Variants in SDK1 observed in about 807,000 individuals in gnomAD.
The protein encoded by SDK1 is protein sidekick-1.
In SDK1, 157 loss-of-function variants were observed where a neutral mutation model predicts 245.5. The ratio of observed to expected loss-of-function variants is 0.64; its 90% CI spans 0.56 to 0.73. The LOEUF is 0.73. Among genes scored for constraint, SDK1 ranks in the 30% least tolerant of loss-of-function variants. The pLI, the probability that SDK1 is intolerant of heterozygous loss-of-function variation, is 0.00. For synonymous variants in SDK1, 1,647 were observed against 1,278.5 expected, an observed-to-expected ratio of 1.29 and a Z score of -6.15; for missense variants, 3,583 against 3,002.3, an observed-to-expected ratio of 1.19 and a Z score of -4.52.
At chr7:3,446,940 GA>G (rs2128590366) in intron 1 of SDK1, among the ~76,000 whole-genome samples, 1 of 152,082 alleles carries the variant, frequency 6.6e-6, no homozygotes, top group African/African-American at 2.4e-5. Context: ...CAACAGTCAA[GA>G]AAAAGGTTGA....
intron 25 of SDK1, among the ~76,000 whole-genome samples, chr7:4,123,026 A>T (rs1282359969): frequency 2.6e-5 from 4 of 152,184 alleles, no homozygotes; most frequent in Admixed American, 6.5e-5. Context: ...AATTGCTGCA[A>T]TCCCCAGGTT....
intron 1 of SDK1, among the ~76,000 whole-genome samples, chr7:3,348,796 C>G (rs898955464): frequency 6.6e-6 from 1 of 152,114 alleles, no homozygotes; most frequent in African/African-American, 2.4e-5. Context: ...TAAAAAGTGC[C>G]AAGTACTATG....
intron 4 of SDK1, among the ~76,000 whole-genome samples, chr7:3,648,549 G>T (rs1782918222): frequency 6.6e-6 from 1 of 152,176 alleles, no homozygotes; most frequent in South Asian, 2.1e-4. Flanking sequence ...AATTGTCCAT[G>T]CTTAAATACT....
chr7:3,934,986 G>C (rs1780105202), intron 5 of SDK1, among the ~76,000 whole-genome samples: 1 of 152,210 alleles, frequency 6.6e-6, no homozygotes, highest in Admixed American at 6.5e-5. Flanking sequence ...GAGGAAGCCT[G>C]GATATTTATG....
intron 30 of SDK1, among the ~76,000 whole-genome samples, chr7:4,156,128 G>T (rs1227225488): frequency 2.0e-5 from 3 of 152,156 alleles, no homozygotes; most frequent in African/African-American, 7.2e-5. Flanking sequence ...GCTGTCCAAG[G>T]TTAACTGGGA....
intron 1 of SDK1, among the ~76,000 whole-genome samples, chr7:3,565,712 T>C (rs1779892157): frequency 6.6e-6 from 1 of 152,234 alleles, no homozygotes; most frequent in African/African-American, 2.4e-5. Context: ...CTGTGCGTAT[T>C]CTCCTGTGTA....
In SDK1 at chr7:3,542,548, G is replaced by A. The variant is rs193255752; in HGVS notation, c.299-76532G>A. 2.9e-4 allele frequency among the ~76,000 whole-genome samples: 44 copies of A among 152,240 alleles called. 1 individual carries two copies. The highest frequency in any genetic ancestry group is 2.4e-3 in the Admixed American group (37 of 15,298). On this transcript the variant is annotated intron_variant, in intron 1 of 44. Coordinates refer to ENST00000404826, the MANE Select transcript of SDK1 (RefSeq NM_152744.4). ...ATCATGCCTGGCCTATGGTAGGTTA[G>A]CATTTAATAAGTGTTTATGCAATAT...
intron 1 of SDK1, among the ~76,000 whole-genome samples, chr7:3,363,968 T>C (rs755067930): frequency 6.6e-6 from 1 of 152,246 alleles, no homozygotes; most frequent in Non-Finnish European, 1.5e-5. Flanking sequence ...TATTTGGTGT[T>C]ACCATTATCT....
intron 1 of SDK1, among the ~76,000 whole-genome samples, chr7:3,496,332 G>A (rs929626208): frequency 7.9e-5 from 12 of 152,156 alleles, no homozygotes; most frequent in African/African-American, 1.4e-4. Context: ...CCTGGCAATA[G>A]CACTGTTTGG....
At chr7:3,328,290 A>G (rs984202232) in intron 1 of SDK1, among the ~76,000 whole-genome samples, 2 of 152,134 alleles carry the variant, frequency 1.3e-5, no homozygotes, top group East Asian at 1.9e-4. Context: ...AAATGAAGTA[A>G]TATATCATAA....
intron 1 of SDK1, among the ~76,000 whole-genome samples, chr7:3,316,196 A>G (rs1227383041): frequency 6.6e-6 from 1 of 152,230 alleles, no homozygotes; most frequent in Admixed American, 6.5e-5. Flanking sequence ...CAGTACAGCC[A>G]TGTACCCTAT....
At chr7:3,302,908 T>C (rs1035951612) in intron 1 of SDK1, among the ~76,000 whole-genome samples, 1 of 152,196 alleles carries the variant, frequency 6.6e-6, no homozygotes, top group Non-Finnish European at 1.5e-5. Context: ...AGCTGTGTTC[T>C]GTGTCCTGTG....
In SDK1 at chr7:3,702,052, G is replaced by T. The variant is rs1400982489; in HGVS notation, c.713+59947G>T. ...ATGTAAAACTGTTAAACTTTCAGAAGAATAAACCTCTGGGGTTTAGAACTT... is the reference window on the plus strand; with the variant it reads ...ATGTAAAACTGTTAAACTTTCAGAATAATAAACCTCTGGGGTTTAGAACTT... On this transcript the variant is annotated intron_variant, in intron 4 of 44. Transcript: ENST00000404826. 2.0e-5 allele frequency among the ~76,000 whole-genome samples: 3 copies of T among 151,366 alleles called. No individual in the cohort carries two copies. In the East Asian group the frequency reaches 5.8e-4, roughly 29 times the overall value.
intron 44 of SDK1, among the ~76,000 whole-genome samples, chr7:4,258,288 T>C (rs1450493119): frequency 6.6e-6 from 1 of 152,026 alleles, no homozygotes; most frequent in Admixed American, 6.5e-5. Context: ...GAACCACCCC[T>C]AGGCCCCACC....
At chr7:4,265,004 G>C in intron 44 of SDK1, 120 bp from the exon 45 acceptor site, 7 of 1,453,690 alleles carry the variant, frequency 4.8e-6, no homozygotes, top group Non-Finnish European at 6.4e-6. Context: ...GGTGGGGAGA[G>C]GGCTGGAGAC....
At chr7:3,370,324 A>G (rs893907097) in intron 1 of SDK1, among the ~76,000 whole-genome samples, 2 of 152,246 alleles carry the variant, frequency 1.3e-5, no homozygotes, top group East Asian at 1.9e-4. Flanking sequence ...AAAGAGAGAC[A>G]GTTACACAAA....
At chr7:4,228,736 C>T (rs1392037885) in intron 40 of SDK1, among the ~76,000 whole-genome samples, 1 of 152,158 alleles carries the variant, frequency 6.6e-6, no homozygotes, top group African/African-American at 2.4e-5. Flanking sequence ...GACGGGGTTT[C>T]ACCATGTTGA....
rs531899769 is a variant in SDK1, at chr7:4,146,348, A to G, written c.4423+432A>G. On this transcript the variant is annotated intron_variant, in intron 29 of 44. Coordinates refer to ENST00000404826, the MANE Select transcript of SDK1 (RefSeq NM_152744.4). ...CAGCTGCTCTCTCAGACATGTGAGC[A>G]TTGCATTCACACCTTCTGCCTCACA... Among the ~76,000 whole-genome samples, 27 of 150,496 alleles carry G rather than the reference A, an allele frequency of 1.8e-4. 1 individual carries two copies. Among genetic ancestry groups the G allele is most frequent in the African/African-American group, 2.7e-4 (11 of 40,784 alleles).
chr7:3,670,060 T>C (rs1783649868), intron 4 of SDK1, among the ~76,000 whole-genome samples: 1 of 152,192 alleles, frequency 6.6e-6, no homozygotes, highest in African/African-American at 2.4e-5. Context: ...ACTCACATCA[T>C]TGTGTGTCCA....
Sources: allele counts gnomAD v4.1 joint callset (sites outside exome capture counted in the v4.1 genomes callset), GRCh38; gene constraint gnomAD v4.1.1; transcripts MANE v1.5; gene names NCBI Gene and HGNC (gene_info 2026-07-23, HGNC 2026-07-21).